The following UACA variants were observed in gnomAD, a reference collection of about 807,000 sequenced individuals.
UACA encodes nuclear membrane binding protein.
A neutral mutation model predicts 160.5 loss-of-function variants in UACA; 112 were observed. The ratio of observed to expected loss-of-function variants is 0.70; its 90% confidence interval spans 0.60 to 0.82. The LOEUF is 0.82. Among genes scored for constraint, UACA ranks in the 40% least tolerant of loss-of-function variants. UACA has a pLI of 0.00. For synonymous variants in UACA, 557 were observed against 568.4 expected (o/e 0.98, Z 0.29); for missense variants, 1,574 against 1,614.6 (o/e 0.97, Z 0.43).
chr15:70,763,959 A>G (rs999321438), upstream of UACA, among the ~76,000 whole-genome samples: 12 of 152,360 alleles, frequency 7.9e-5, 1 homozygote, highest in East Asian at 2.3e-3. Flanking sequence ...ACCTGCACAC[A>G]GAACAGCTTT....
rs1022511481 is a variant in UACA, at chr15:70,668,168, T to G, written c.2516A>C (p.Glu839Ala). ...TTCAGATGTGAGAGCGTGTATTTTC[T>G]CCTGGTCTTCACCACATTTTTTCTT... The part of the protein sequence containing the change: ...ELKKKCGEDQ[E>A]KIHALTSENT... Residue 839 changes from glutamate (E) to alanine (A), a missense_variant, in exon 16 of 19, where the codon GAG (glutamate) becomes GCG (alanine). Physicochemically the swap from Glu to Ala is moderately radical, Grantham distance 107 (BLOSUM62 -1). Coordinates refer to ENST00000322954, the MANE Select transcript of UACA (RefSeq NM_018003.4). The G allele has an allele frequency of 1.9e-6, 3 of 1,612,398 alleles. No individual in the cohort carries two copies. The highest frequency in any genetic ancestry group is 1.7e-5 in the Admixed American group (1 of 59,740).
chr15:70,738,872 A>G (rs114055474), intron 1 of UACA, among the ~76,000 whole-genome samples: 1 of 152,354 alleles, frequency 6.6e-6, no homozygotes, highest in African/African-American at 2.4e-5. Flanking sequence ...CGGCTGGTTC[A>G]TCTCATGCAT....
In UACA at chr15:70,695,051, T is replaced by G; in HGVS notation, c.267A>C (p.Ile89=). 6.2e-7 allele frequency: 1 copy of G among 1,610,954 alleles called. No individual in the cohort carries two copies. The part of the protein sequence containing the change: ...GNLECLNAIL[I]HGVDITTSDT... ...CACTGGTTGTAATATCAACTCCATG[T>G]ATAAGGATGGCATTCAAACACTCAA... The change falls in exon 3 of 19, where the codon ATA becomes ATC. Residue 89 remains isoleucine, a synonymous_variant. Transcript: ENST00000322954.
At chr15:70,716,307 T>G (rs1898819818) in intron 1 of UACA, among the ~76,000 whole-genome samples, 1 of 152,176 alleles carries the variant, frequency 6.6e-6, no homozygotes, top group Admixed American at 6.5e-5. Context: ...TTATCAGTGC[T>G]GCCATTTTAG....
intron 2 of UACA, among the ~76,000 whole-genome samples, chr15:70,698,004 T>C (rs1161851934): frequency 2.0e-5 from 3 of 152,074 alleles, no homozygotes; most frequent in Non-Finnish European, 2.9e-5. Flanking sequence ...GAGCCAAGAT[T>C]GTGCCATTGC....
In UACA at chr15:70,691,374, T is replaced by C; in HGVS notation, c.302-11A>G. 1 of 1,588,918 alleles carries C rather than the reference T, an allele frequency of 6.3e-7. No individual in the cohort carries two copies. Among genetic ancestry groups the C allele is most frequent in the African/African-American group, 1.3e-5 (1 of 74,360 alleles). The stretch of plus-strand genomic sequence containing the variant: ...GAAGAGCATTTCTCCCTATAAATAA[T>C]TTAAGATACATGTGAAGGATTATTT... On this transcript the variant is annotated splice_polypyrimidine_tract_variant and intron_variant, in intron 3 of 18. Coordinates refer to ENST00000322954, the MANE Select transcript of UACA (RefSeq NM_018003.4).
At chr15:70,726,401 C>A (rs1429101661) in intron 1 of UACA, among the ~76,000 whole-genome samples, 1 of 152,110 alleles carries the variant, frequency 6.6e-6, no homozygotes, top group Non-Finnish European at 1.5e-5. Flanking sequence ...AAAATGTAAA[C>A]AGCACTGATT....
At chr15:70,699,489 T>C in intron 2 of UACA, 38 bp downstream of exon 2, 1 of 1,599,680 alleles carries the variant, frequency 6.3e-7, no homozygotes, top group Non-Finnish European at 8.5e-7. Flanking sequence ...ACTATCCAAA[T>C]TCCCTTCAGA....
chr15:70,666,678 C>T, intron 16 of UACA, 46 bp downstream of exon 16: 2 of 1,475,540 alleles, frequency 1.4e-6, no homozygotes, highest in Non-Finnish European at 1.8e-6. Context: ...AAGAGCACTG[C>T]TCTGGGGTTT....
chr15:70,706,572 CACAA>C (rs1482992620), intron 1 of UACA, among the ~76,000 whole-genome samples: 2 of 142,936 alleles, frequency 1.4e-5, no homozygotes, highest in Non-Finnish European at 3.1e-5. Flanking sequence ...TACTCATACA[CACAA>C]ACAAAACAAA....
chr15:70,738,219 G>A (rs541936085), intron 1 of UACA, among the ~76,000 whole-genome samples: 47 of 151,456 alleles, frequency 3.1e-4, no homozygotes, highest in African/African-American at 9.9e-4. Context: ...TTTTTCTTCC[G>A]GTTTCTGCAT....
intron 1 of UACA, among the ~76,000 whole-genome samples, chr15:70,741,718 T>C (rs1480300084): frequency 6.6e-6 from 1 of 152,236 alleles, no homozygotes; most frequent in Admixed American, 6.5e-5. Flanking sequence ...ATTAAAACGT[T>C]AGTTTTAATA....
Position 70,667,664 on chromosome 15 carries a change from T to C in UACA, c.3020A>G (p.Asp1007Gly), listed in dbSNP as rs1423512004. 6 of 1,613,310 alleles carry C rather than the reference T, an allele frequency of 3.7e-6. No individual in the cohort carries two copies. The highest frequency in any genetic ancestry group is 5.1e-6 in the Non-Finnish European group (6 of 1,179,998). Residue 1007 changes from aspartate to glycine, a missense_variant, in exon 16 of 19, where the codon GAC becomes GGC. Physicochemically the swap from Asp to Gly is moderately conservative, Grantham distance 94. Transcript: ENST00000322954. ...KFKATEKELK[D>G]QLSEQTQKYS... ...CTTTTGTGTCTGCTCTGATAACTGG[T>C]CTTTTAGTTCTTTCTCTGTTGCTTT...
the UACA span, among the ~76,000 whole-genome samples, chr15:70,776,423 G>A: frequency 2.9e-5 from 4 of 139,266 alleles, no homozygotes; most frequent in East Asian, 8.1e-4. Context: ...TCCCTCAAAT[G>A]TCTTTTTTTT....
intron 1 of UACA, among the ~76,000 whole-genome samples, chr15:70,700,557 T>C (rs1268890771): frequency 1.3e-5 from 2 of 152,020 alleles, no homozygotes; most frequent in South Asian, 2.1e-4. Flanking sequence ...TGTGTATGTG[T>C]ATTTAGATTA....
chr15:70,752,586 AGT>A (rs1488862387), intron 1 of UACA, among the ~76,000 whole-genome samples: 3 of 150,986 alleles, frequency 2.0e-5, no homozygotes, highest in Non-Finnish European at 4.4e-5. Context: ...GTCTCTCTCT[AGT>A]AAAGAGAAAA....
intron 1 of UACA, among the ~76,000 whole-genome samples, chr15:70,718,272 G>C (rs547226505): frequency 6.8e-6 from 1 of 147,144 alleles, no homozygotes; most frequent in East Asian, 2.0e-4. Context: ...AGGGGGAGGA[G>C]GGGGAGAGAG....
chr15:70,663,469 A>G (rs1896791869), intron 17 of UACA, among the ~76,000 whole-genome samples: 2 of 152,312 alleles, frequency 1.3e-5, no homozygotes, highest in South Asian at 2.1e-4. Context: ...CAGGGATCTC[A>G]AAGTAGAAAT....
chr15:70,671,461 T>A (rs1897138038), intron 14 of UACA: 1 of 164,106 alleles, frequency 6.1e-6, no homozygotes, highest in Admixed American at 6.3e-5. Context: ...GCATAAATAT[T>A]ACTGTTGTAG....
Sources: allele counts gnomAD v4.1 joint callset (sites outside exome capture counted in the v4.1 genomes callset), GRCh38; gene constraint gnomAD v4.1.1; transcripts MANE v1.5; gene names NCBI Gene and HGNC (gene_info 2026-07-23, HGNC 2026-07-21).